CES4A: variants seen among roughly 807,000 people sequenced by gnomAD.
CES4A encodes carboxylesterase 4A.
A neutral mutation model predicts 65.4 loss-of-function variants in CES4A; 48 were observed. The observed-to-expected ratio is 0.73, with a 90% CI of 0.58 to 0.93. The LOEUF (loss-of-function observed/expected upper bound fraction) is 0.93. Ranked by LOEUF, CES4A falls within the 40% of genes least tolerant of loss-of-function variation. CES4A has a pLI of 0.00. For missense variants in CES4A, 685 were observed against 728.5 expected (o/e 0.94, Z 0.69); for synonymous variants, 247 against 281.8 (o/e 0.88, Z 1.24).
intron 10 of CES4A, 69 bp from the exon 11 acceptor site, chr16:67,005,171 G>A: frequency 6.6e-7 from 1 of 1,521,968 alleles, no homozygotes; most frequent in Non-Finnish European, 9.1e-7. Flanking sequence ...ATGGATCCAA[G>A]TCACTGGTGG....
At chr16:67,004,197 C>G in exon 9 of CES4A, 1 of 1,614,166 alleles carries the variant, frequency 6.2e-7, no homozygotes, top group South Asian at 1.1e-5. Flanking sequence ...GTGTCAACAA[C>G]CTGGAATTCA....
chr16:67,003,556 A>C lies in CES4A; in HGVS notation c.939+3A>C. On this transcript the variant is annotated splice_donor_region_variant and intron_variant, in intron 8 of 13. Coordinates refer to ENST00000648724, the Ensembl canonical transcript of CES4A. This position sits in a 1 kb window ranked among gnomAD's most constrained non-coding sequence, Gnocchi z 4.2. Reference sequence around the variant, plus strand: ...ACTTCCAGAGAGACCCGGAAGAGGTAAACAGGCCACATTCTGCAATTTGAG... The same window carrying C: ...ACTTCCAGAGAGACCCGGAAGAGGTCAACAGGCCACATTCTGCAATTTGAG... 6.2e-7 allele frequency: 1 copy of C among 1,610,900 alleles called. No homozygotes were observed. Among genetic ancestry groups the C allele is most frequent in the Non-Finnish European group, 8.5e-7 (1 of 1,177,076 alleles).
chr16:67,009,191 A>G, exon 14 of CES4A: 7 of 1,562,442 alleles, frequency 4.5e-6, no homozygotes, highest in Non-Finnish European at 6.1e-6. Flanking sequence ...CCCACCATCC[A>G]GGCCCTGGGG....
intron 1 of CES4A, among the ~76,000 whole-genome samples, chr16:66,994,169 T>C (rs1964620828): frequency 6.6e-6 from 1 of 151,982 alleles, no homozygotes; most frequent in Non-Finnish European, 1.5e-5. Context: ...AATGCATTTA[T>C]TGCCATTAAA....
At chr16:66,992,357 T>C (rs1240087653) in intron 1 of CES4A, among the ~76,000 whole-genome samples, 1 of 152,216 alleles carries the variant, frequency 6.6e-6, no homozygotes, top group Non-Finnish European at 1.5e-5. Context: ...TGTAGAGACC[T>C]GGGGGCATGG....
intron 1 of CES4A, among the ~76,000 whole-genome samples, chr16:66,993,816 C>A (rs544410193): frequency 6.6e-6 from 1 of 152,114 alleles, no homozygotes; most frequent in East Asian, 1.9e-4. Flanking sequence ...AGAACAGAGG[C>A]GTAGGCCGGG....
chr16:66,994,192 A>C (rs1204764051), intron 1 of CES4A, among the ~76,000 whole-genome samples: 1 of 151,614 alleles, frequency 6.6e-6, no homozygotes, highest in Non-Finnish European at 1.5e-5. Context: ...ACGCAGAGAA[A>C]TAGCCCATAT....
At chr16:66,997,948 A>AACACACAC (rs57562021) in intron 2 of CES4A, among the ~76,000 whole-genome samples, 13 of 127,298 alleles carry the variant, frequency 1.0e-4, no homozygotes, top group African/African-American at 3.4e-4. Flanking sequence ...CCCTATCTAA[A>AACACACAC]ACACACACAC....
chr16:67,002,225 G>A (rs1597085896), intron 5 of CES4A, among the ~76,000 whole-genome samples: 1 of 152,094 alleles, frequency 6.6e-6, no homozygotes, highest in Non-Finnish European at 1.5e-5. Context: ...GAGTGCAATG[G>A]CGTGATCTCA....
chr16:66,998,651 G>A (rs545608302), intron 2 of CES4A, among the ~76,000 whole-genome samples: 55 of 152,150 alleles, frequency 3.6e-4, no homozygotes, highest in Middle Eastern at 6.8e-3. Context: ...GGTGGATCAC[G>A]AGGTCAGGAG....
chr16:66,992,109 C>T (rs973766224), intron 1 of CES4A, among the ~76,000 whole-genome samples: 3 of 152,246 alleles, frequency 2.0e-5, no homozygotes, highest in Non-Finnish European at 4.4e-5. Context: ...TAGACCTTGG[C>T]CTCCTGGCTG....
exon 9 of CES4A, chr16:67,004,152 C>A (rs746450453): frequency 1.2e-6 from 2 of 1,614,104 alleles, no homozygotes; most frequent in Admixed American, 3.3e-5. Context: ...TGCTCCTGAC[C>A]CAGGGGAAGG....
chr16:66,997,159 C>T (rs1272723319), intron 2 of CES4A, among the ~76,000 whole-genome samples: 1 of 152,018 alleles, frequency 6.6e-6, no homozygotes, highest in African/African-American at 2.4e-5. Flanking sequence ...TGGCTGTCAC[C>T]GATAAGATCC....
In CES4A at chr16:66,991,603, T is replaced by C. The variant is rs566259390; in HGVS notation, c.58+2773T>C. Among the ~76,000 whole-genome samples the C allele has an allele frequency of 1.6e-4, 25 of 152,340 alleles. 1 individual carries two copies. Among genetic ancestry groups the C allele is most frequent in the African/African-American group, 5.8e-4 (24 of 41,584 alleles). ...GGGATGGGGACCACTCCATGGCAGC[T>C]CATGCTCAGGGGTCTAGAGCACTCT... On this transcript the variant is annotated intron_variant, in intron 1 of 13. Coordinates refer to ENST00000648724, the Ensembl canonical transcript of CES4A.
At position 67,001,673 on chromosome 16, in the gene CES4A, G is replaced by C. The variant is rs940822083; in HGVS notation, c.690+212G>C. On this transcript the variant is annotated intron_variant, in intron 5 of 13. Transcript: ENST00000648724. This position sits in a 1 kb window ranked among gnomAD's most constrained non-coding sequence, Gnocchi z 4.1. ...CACTGATGAGAAAACTGAGCCCCAG[G>C]AAGGGTAGTGCTGAGGCTTGGGGTA... is the stretch of plus-strand genomic sequence containing the variant. 6.6e-6 allele frequency among the ~76,000 whole-genome samples: 1 copy of C among 152,256 alleles called. No individual in the cohort carries two copies. The highest frequency in any genetic ancestry group is 1.5e-5 in the Non-Finnish European group (1 of 68,046).
chr16:67,008,869 T>C, intron 13 of CES4A, 105 bp from the exon 14 acceptor site: 4 of 1,190,540 alleles, frequency 3.4e-6, no homozygotes, highest in Non-Finnish European at 4.8e-6. Flanking sequence ...CGTAAAGCCC[T>C]CTGGAACCCC....
At chr16:67,009,244 C>T (rs571738019) in exon 14 of CES4A, 1 of 1,214,160 alleles carries the variant, frequency 8.2e-7, no homozygotes, top group Non-Finnish European at 1.1e-6. Flanking sequence ...TTCTACCCAC[C>T]CCAGTTTAGA....
At chr16:66,990,698 CA>C (rs1964319657) in intron 1 of CES4A, among the ~76,000 whole-genome samples, 2 of 144,462 alleles carry the variant, frequency 1.4e-5, no homozygotes, top group South Asian at 2.2e-4. Flanking sequence ...GACCTTGTCT[CA>C]AAAAAAGAAA....
At chr16:66,993,605 A>G (rs1490511649) in intron 1 of CES4A, among the ~76,000 whole-genome samples, 1 of 151,964 alleles carries the variant, frequency 6.6e-6, no homozygotes, top group Non-Finnish European at 1.5e-5. Context: ...CGGCCTCCCA[A>G]AGTGCTGGGA....
Sources: gnomAD v4.1 joint callset for allele counts (sites outside exome capture counted in the v4.1 genomes callset) on GRCh38, gnomAD v4.1.1 for gene constraint, Gnocchi (gnomAD v3.1) non-coding constraint, MANE v1.5 for transcripts, NCBI Gene and HGNC (gene_info 2026-07-23, HGNC 2026-07-21) for gene names.